Variants in MLIP observed in about 807,000 individuals in gnomAD.
MLIP encodes muscular LMNA-interacting protein.
In MLIP, 79 loss-of-function variants were observed where a neutral mutation model predicts 84.8. That is an observed-to-expected ratio of 0.93 (90% CI 0.78 to 1.12). The LOEUF is 1.12. Among genes scored for constraint, MLIP ranks in the 50% most tolerant of loss-of-function variants. The pLI, the probability that MLIP is intolerant of heterozygous loss-of-function variation, is 0.00. For missense variants in MLIP, 1,257 were observed against 1,160.6 expected, an observed-to-expected ratio of 1.08 and a Z score of -1.21; for synonymous variants, 504 against 463.0, an observed-to-expected ratio of 1.09 and a Z score of -1.14.
At chr6:54,258,781 C>A (rs1783192388) in intron 13 of MLIP, among the ~76,000 whole-genome samples, 1 of 151,926 alleles carries the variant, frequency 6.6e-6, no homozygotes, top group African/African-American at 2.4e-5. Context: ...GAAACTAAAG[C>A]TGCAGGAACT....
chr6:54,223,841 A>C (rs542676899), intron 11 of MLIP, among the ~76,000 whole-genome samples: 23 of 152,198 alleles, frequency 1.5e-4, no homozygotes, highest in African/African-American at 5.5e-4. Context: ...AGAAAATAAA[A>C]TTTCTATCTG....
chr6:54,083,172 C>G (rs1310910488), intron 1 of MLIP, among the ~76,000 whole-genome samples: 2 of 151,812 alleles, frequency 1.3e-5, no homozygotes, highest in African/African-American at 4.8e-5. Context: ...TCTGTCAACC[C>G]TAAGTCATGT....
intron 3 of MLIP, among the ~76,000 whole-genome samples, chr6:54,130,724 C>T (rs952654997): frequency 2.0e-5 from 3 of 152,084 alleles, no homozygotes; most frequent in African/African-American, 7.2e-5. Flanking sequence ...ATGCCTAAGT[C>T]AGCCTGGAGC....
intron 9 of MLIP, among the ~76,000 whole-genome samples, chr6:54,173,911 C>T (rs886184293): frequency 6.0e-5 from 9 of 151,060 alleles, no homozygotes; most frequent in African/African-American, 2.2e-4. Flanking sequence ...CCTCTGGTAA[C>T]CATTCTTCTG....
chr6:54,219,177 G>A (rs1225617546), intron 11 of MLIP, among the ~76,000 whole-genome samples: 1 of 151,750 alleles, frequency 6.6e-6, no homozygotes, highest in East Asian at 1.9e-4. Flanking sequence ...CTGTACTCCA[G>A]CCTGGGGACA....
chr6:54,215,341 T>C, intron 11 of MLIP: 1 of 1,329,196 alleles, frequency 7.5e-7, no homozygotes, highest in Non-Finnish European at 9.6e-7. Context: ...CAGTCCTTAC[T>C]GAACTTCAAT....
intron 1 of MLIP, among the ~76,000 whole-genome samples, chr6:54,019,648 C>T (rs1334348079): frequency 1.3e-5 from 2 of 152,082 alleles, no homozygotes; most frequent in East Asian, 1.9e-4. Flanking sequence ...TAGACTATAA[C>T]CTTGAGTTAA....
chr6:54,207,759 G>A (rs1304253839), intron 11 of MLIP, among the ~76,000 whole-genome samples: 1 of 152,164 alleles, frequency 6.6e-6, no homozygotes, highest in Non-Finnish European at 1.5e-5. Context: ...TGTGTTCTAT[G>A]TTTTGTTAAC....
chr6:54,147,433 C>T (rs1036777408), intron 4 of MLIP, among the ~76,000 whole-genome samples: 9 of 152,128 alleles, frequency 5.9e-5, no homozygotes, highest in Non-Finnish European at 7.3e-5. Context: ...GAGACCACAG[C>T]AGTGCAGGGT....
intron 4 of MLIP, among the ~76,000 whole-genome samples, chr6:54,147,556 C>T (rs565129406): frequency 2.0e-5 from 3 of 152,088 alleles, no homozygotes; most frequent in East Asian, 1.9e-4. Flanking sequence ...CAGAAAGCGA[C>T]GTAGCTTCTT....
At chr6:54,107,158 G>A (rs1453598746), upstream of MLIP, among the ~76,000 whole-genome samples, 1 of 152,142 alleles carries the variant, frequency 6.6e-6, no homozygotes, top group Non-Finnish European at 1.5e-5. Flanking sequence ...ATCTTGTTAG[G>A]TCAAACAGTA....
At chr6:54,158,809 T>A (rs115465646) in intron 5 of MLIP, among the ~76,000 whole-genome samples, 2,037 of 151,842 alleles carry the variant, frequency 0.013, 45 homozygotes, top group African/African-American at 0.047. Flanking sequence ...AGAACTGGAG[T>A]TGCATCTCCG....
At chr6:54,098,479 TGAA>T (rs1453928429) in intron 1 of MLIP, among the ~76,000 whole-genome samples, 3 of 151,618 alleles carry the variant, frequency 2.0e-5, no homozygotes, top group Non-Finnish European at 4.4e-5. Context: ...GTCTTTCTCT[TGAA>T]GGAGGAGGGG....
chr6:54,111,311 A>G, upstream of MLIP: 1 of 1,215,924 alleles, frequency 8.2e-7, no homozygotes, highest in Non-Finnish European at 1.1e-6. Context: ...AATTGTCAAA[A>G]CAGAAATCTA....
chr6:54,075,021 G>A (rs576870370), intron 1 of MLIP, among the ~76,000 whole-genome samples: 89 of 152,210 alleles, frequency 5.8e-4, no homozygotes, highest in African/African-American at 2.0e-3. Context: ...GCCGAGGTGG[G>A]CGGATCACTT....
intron 1 of MLIP, among the ~76,000 whole-genome samples, chr6:54,058,536 CT>C (rs1402251943): frequency 6.6e-6 from 1 of 152,208 alleles, no homozygotes; most frequent in African/African-American, 2.4e-5. Flanking sequence ...AGCTTACATT[CT>C]AACAGGAAAG....
chr6:54,155,386 T>A (rs2150545187), intron 5 of MLIP, among the ~76,000 whole-genome samples: 1 of 152,292 alleles, frequency 6.6e-6, no homozygotes, highest in Non-Finnish European at 1.5e-5. Context: ...ATTAACAAAG[T>A]ATAGGAGAAT....
chr6:54,058,873 T>G (rs183062706), intron 1 of MLIP: 1 of 152,158 alleles, frequency 6.6e-6, no homozygotes, highest in African/African-American at 2.4e-5. Flanking sequence ...TAGAGAGAGA[T>G]AGAAGGAGGA....
chr6:54,208,215 G>C (rs1013684764), intron 11 of MLIP, among the ~76,000 whole-genome samples: 5 of 152,184 alleles, frequency 3.3e-5, no homozygotes, highest in African/African-American at 1.2e-4. Flanking sequence ...TTTCAAAAGA[G>C]AGAGAGGATA....
Sources: allele counts gnomAD v4.1 joint callset (sites outside exome capture counted in the v4.1 genomes callset), GRCh38; gene constraint gnomAD v4.1.1; transcripts MANE v1.5; gene names NCBI Gene and HGNC (gene_info 2026-07-23, HGNC 2026-07-21).